Variants in MAP3K20 observed in about 807,000 individuals in gnomAD.
MAP3K20 encodes HCCS-4.
MAP3K20 carries 40 observed loss-of-function variants against 85.7 expected under a neutral mutation model. The ratio of observed to expected loss-of-function variants is 0.47; its 90% CI spans 0.36 to 0.61. The LOEUF is 0.61. MAP3K20 is among the 20% of genes least tolerant of loss of function. The pLI is 0.00. For missense variants in MAP3K20, 817 were observed against 961.7 expected (o/e 0.85, Z 1.99); for synonymous variants, 325 against 327.7 (o/e 0.99, Z 0.09).
chr2:173,132,681 T>C (rs947598373), intron 2 of MAP3K20, among the ~76,000 whole-genome samples: 2 of 152,250 alleles, frequency 1.3e-5, no homozygotes, highest in African/African-American at 4.8e-5. Flanking sequence ...GGGTTCAGTA[T>C]AGTGTAGTGA....
At chr2:173,160,441 A>G (rs1370713672) in intron 2 of MAP3K20, 1 of 152,204 alleles carries the variant, frequency 6.6e-6, no homozygotes. Context: ...TATTTAAAAA[A>G]AGCCCTGGTT....
intron 16 of MAP3K20, among the ~76,000 whole-genome samples, chr2:173,246,851 C>T (rs1333626135): frequency 3.9e-5 from 6 of 152,160 alleles, no homozygotes; most frequent in South Asian, 2.1e-4. Context: ...CCCAACTCTC[C>T]GAACACGCCG....
chr2:173,113,185 T>C (rs991827458), intron 2 of MAP3K20, among the ~76,000 whole-genome samples: 1 of 152,150 alleles, frequency 6.6e-6, no homozygotes, highest in Non-Finnish European at 1.5e-5. Flanking sequence ...TGAGTAAAGG[T>C]GTTCATAGTA....
chr2:173,110,357 G>C (rs112005486), intron 2 of MAP3K20, among the ~76,000 whole-genome samples: 1,945 of 142,274 alleles, frequency 0.014, 26 homozygotes, highest in South Asian at 0.031. Context: ...GGGCTCAGAT[G>C]TTCCTTCCAC....
In MAP3K20 at chr2:173,239,433, G is replaced by A. The variant is rs1684730450; in HGVS notation, c.1296G>A (p.Glu432=). Residue 432 remains glutamate (E), a synonymous_variant, in exon 16 of 20, where the codon GAG becomes GAA. Transcript: ENST00000375213. ...CAGGAGGTGAACCTGAAGAAAATGAGGAAAAAATAGTGAACCTGGAACTGG... is the reference window on the plus strand; with the variant it reads ...CAGGAGGTGAACCTGAAGAAAATGAAGAAAAAATAGTGAACCTGGAACTGG... ...KDSGGEPEEN[E]EKIVNLELVF... 3.6e-5 allele frequency: 58 copies of A among 1,613,290 alleles called. No individual in the cohort carries two copies. The highest frequency in any genetic ancestry group is 4.8e-5 in the Non-Finnish European group (57 of 1,179,792).
intron 8 of MAP3K20, among the ~76,000 whole-genome samples, chr2:173,203,217 G>A (rs1683546647): frequency 6.6e-6 from 1 of 152,180 alleles, no homozygotes; most frequent in Non-Finnish European, 1.5e-5. Context: ...TGTTAGAACA[G>A]GACCATCCTC....
rs144850120 is a variant in MAP3K20, at chr2:173,138,078, C to G, written c.160-31727C>G. ...CGCCTCACAGGTTCAAGCAATTCTC[C>G]TGCCTCAGCTTCCCAAGTAGCTGGG... On this transcript the variant is annotated intron_variant, in intron 2 of 19. Transcript: ENST00000375213. 9.9e-3 allele frequency among the ~76,000 whole-genome samples: 1,505 copies of G among 152,214 alleles called. 38 individuals are homozygous for G. The highest frequency in any genetic ancestry group is 0.069 in the East Asian group (357 of 5,182).
intron 11 of MAP3K20, chr2:173,224,682 G>A (rs188953135): frequency 7.1e-6 from 7 of 985,302 alleles, no homozygotes; most frequent in African/African-American, 5.2e-5. Flanking sequence ...ACCACGTGAC[G>A]TTGGCTCTAT....
At chr2:173,164,358 T>C (rs1689752787) in intron 2 of MAP3K20, among the ~76,000 whole-genome samples, 1 of 152,220 alleles carries the variant, frequency 6.6e-6, no homozygotes, top group Admixed American at 6.5e-5. Context: ...ATGTCTTCTT[T>C]TGAAAAGTGT....
At chr2:173,086,047 C>T (rs1050225587) in intron 1 of MAP3K20, among the ~76,000 whole-genome samples, 4 of 152,122 alleles carry the variant, frequency 2.6e-5, no homozygotes, top group Admixed American at 1.3e-4. Flanking sequence ...CCACCCATCT[C>T]GGCTTCCCAA....
rs78172022 is a variant in MAP3K20 at position 173,192,449 on chromosome 2, C to T, written c.582+1272C>T. 2.4e-4 allele frequency among the ~76,000 whole-genome samples: 36 copies of T among 151,854 alleles called. No homozygotes were observed. In the East Asian group the frequency reaches 6.2e-3, roughly 26 times the overall value. On this transcript the variant is annotated intron_variant, in intron 7 of 19. Coordinates refer to ENST00000375213, the MANE Select transcript of MAP3K20 (RefSeq NM_016653.3). ...TTCAAGAATGAAATATGTTTTTGACCGAAGGCTAGAATTTTAAAGGTCAGA... is the reference window on the plus strand; with the variant it reads ...TTCAAGAATGAAATATGTTTTTGACTGAAGGCTAGAATTTTAAAGGTCAGA...
chr2:173,125,014 A>C (rs1439241361), intron 2 of MAP3K20, among the ~76,000 whole-genome samples: 2 of 152,118 alleles, frequency 1.3e-5, no homozygotes, highest in Non-Finnish European at 2.9e-5. Flanking sequence ...GGAAAATAAA[A>C]ATTTTACCAA....
intron 11 of MAP3K20, chr2:173,223,127 A>C: frequency 1.0e-6 from 1 of 985,394 alleles, no homozygotes; most frequent in African/African-American, 1.7e-5. Context: ...GAAAAATACC[A>C]CATAATGATC....
intron 2 of MAP3K20, among the ~76,000 whole-genome samples, chr2:173,116,096 C>T (rs976557419): frequency 2.6e-5 from 4 of 151,978 alleles, no homozygotes; most frequent in East Asian, 1.9e-4. Flanking sequence ...AAGCAATCCT[C>T]CCATCTCAGC....
At chr2:173,229,976 T>C (rs1379804051) in intron 12 of MAP3K20, among the ~76,000 whole-genome samples, 2 of 152,022 alleles carry the variant, frequency 1.3e-5, no homozygotes, top group African/African-American at 4.8e-5. Context: ...AGACTATAGG[T>C]TCCCACCAGC....
At chr2:173,201,053 G>A (rs77842892) in intron 8 of MAP3K20, among the ~76,000 whole-genome samples, 39 of 152,220 alleles carry the variant, frequency 2.6e-4, no homozygotes, top group Non-Finnish European at 5.0e-4. Context: ...TGAGATTGGC[G>A]CATTACTCTT....
chr2:173,182,755 G>A, intron 3 of MAP3K20, 99 bp from the exon 4 acceptor site: 1 of 865,402 alleles, frequency 1.2e-6, no homozygotes, highest in Non-Finnish European at 1.6e-6. Context: ...GATGTCTTTT[G>A]TTAAATTCTT....
chr2:173,194,164 C>T (rs1165686123), intron 7 of MAP3K20, among the ~76,000 whole-genome samples: 5 of 152,132 alleles, frequency 3.3e-5, no homozygotes. Flanking sequence ...TGCTGGTTTG[C>T]CTCACAGAAT....
At chr2:173,265,242 C>G (rs1164803933) in intron 19 of MAP3K20, among the ~76,000 whole-genome samples, 1 of 152,186 alleles carries the variant, frequency 6.6e-6, no homozygotes, top group Non-Finnish European at 1.5e-5. Context: ...GAAGCTGAGG[C>G]TGGGAGGACC....
Sources: gnomAD v4.1 joint callset for allele counts (sites outside exome capture counted in the v4.1 genomes callset) on GRCh38, gnomAD v4.1.1 for gene constraint, MANE v1.5 for transcripts, NCBI Gene and HGNC (gene_info 2026-07-23, HGNC 2026-07-21) for gene names.